CEP95: variants seen among roughly 807,000 people sequenced by gnomAD.
The protein encoded by CEP95 is centrosomal protein 95, also known as centrosomal protein of 95 kDa.
In CEP95, 98 loss-of-function variants were observed where a neutral mutation model predicts 111.2. That is an observed-to-expected ratio of 0.88 (90% confidence interval 0.75 to 1.04). CEP95 has a LOEUF of 1.04. CEP95 is among the 50% of genes least tolerant of loss of function. The pLI is 0.00. For missense variants in CEP95, 1,027 were observed against 977.2 expected, an observed-to-expected ratio of 1.05 and a Z score of -0.68; for synonymous variants, 323 against 327.1, an observed-to-expected ratio of 0.99 and a Z score of 0.14.
intron 11 of CEP95, among the ~76,000 whole-genome samples, 175 bp downstream of exon 11, chr17:64,527,439 T>C (rs771893704): frequency 8.4e-4 from 128 of 152,172 alleles, no homozygotes; most frequent in Non-Finnish European, 7.9e-4. Flanking sequence ...GTGTTAACAA[T>C]TATATTTGCT....
At chr17:64,534,902 C>T (rs192294206) in intron 17 of CEP95, 165 bp downstream of exon 17, 14 of 730,616 alleles carry the variant, frequency 1.9e-5, no homozygotes, top group Non-Finnish European at 3.2e-5. Flanking sequence ...CATTTTCTTA[C>T]TCCATTGTGC....
chr17:64,529,679 G>T lies in CEP95; in HGVS notation c.1446+252G>T, dbSNP rs532440715. Among the ~76,000 whole-genome samples, 11 of 152,352 alleles carry T rather than the reference G, an allele frequency of 7.2e-5. No homozygotes were observed. The South Asian group carries it at 2.3e-3, about 32-fold the overall frequency. ...CAGTAGATTAAGAAAGAGGAGATCAGTGTGAGTTGTTATTTTCAGAGTGAG... is the reference window on the plus strand; with the variant it reads ...CAGTAGATTAAGAAAGAGGAGATCATTGTGAGTTGTTATTTTCAGAGTGAG... On this transcript the variant is annotated intron_variant, in intron 12 of 19. Coordinates refer to ENST00000556440, the MANE Select transcript of CEP95 (RefSeq NM_138363.3).
chr17:64,529,553 T>C (rs1418455929), intron 12 of CEP95, 126 bp downstream of exon 12: 1 of 937,508 alleles, frequency 1.1e-6, no homozygotes, highest in Admixed American at 2.7e-5. Context: ...GCGGAGTGGA[T>C]GATAGAGAGC....
intron 2 of CEP95, among the ~76,000 whole-genome samples, 180 bp downstream of exon 2, chr17:64,508,900 A>G (rs2038740529): frequency 1.3e-5 from 2 of 151,124 alleles, no homozygotes; most frequent in Non-Finnish European, 2.9e-5. Flanking sequence ...TGTATATTAA[A>G]TTGTATTTAA....
intron 5 of CEP95, among the ~76,000 whole-genome samples, chr17:64,518,685 T>A (rs1427731318): frequency 9.0e-5 from 13 of 144,636 alleles, no homozygotes; most frequent in African/African-American, 3.1e-4. Flanking sequence ...TAAGATGAAA[T>A]TTTTTTTTTT....
intron 17 of CEP95, 45 bp downstream of exon 17, chr17:64,534,782 T>A: frequency 6.3e-7 from 1 of 1,586,804 alleles, no homozygotes; most frequent in Non-Finnish European, 8.6e-7. Context: ...AGGTGAACTT[T>A]GTTATCTTTC....
At chr17:64,518,873 G>T (rs966161194) in intron 5 of CEP95, among the ~76,000 whole-genome samples, 1 of 151,964 alleles carries the variant, frequency 6.6e-6, no homozygotes, top group African/African-American at 2.4e-5. Context: ...GTAGAGATGG[G>T]GTTTCACTAT....
rs1255807150 is a variant in CEP95 at position 64,536,598 on chromosome 17, A to C, written c.2071-4A>C. ...GACTATTTTTACGATTAAATAACTG[A>C]CAGATATTTAAGAAACTGTTTGAAG... On this transcript the variant is annotated splice_polypyrimidine_tract_variant and splice_region_variant and intron_variant, in intron 17 of 19. Transcript: ENST00000556440. 1 of 1,587,456 alleles carries C rather than the reference A, an allele frequency of 6.3e-7. No homozygotes were observed. Among genetic ancestry groups the C allele is most frequent in the Non-Finnish European group, 8.6e-7 (1 of 1,166,604 alleles).
At chr17:64,511,643 C>T (rs148080904) in intron 3 of CEP95, among the ~76,000 whole-genome samples, 17 of 152,208 alleles carry the variant, frequency 1.1e-4, no homozygotes, top group African/African-American at 3.1e-4. Context: ...GCAATTATCA[C>T]GTGGTCCTGA....
At chr17:64,519,236 T>C in intron 5 of CEP95, 85 bp from the exon 6 acceptor site, 3 of 810,428 alleles carry the variant, frequency 3.7e-6, no homozygotes, top group Non-Finnish European at 6.2e-6. Context: ...CTTTTCCTTT[T>C]TCTGCACCCA....
At chr17:64,506,964 T>C (rs1598162368), upstream of CEP95, 2 of 966,260 alleles carry the variant, frequency 2.1e-6, no homozygotes, top group Non-Finnish European at 1.6e-6. Flanking sequence ...CGTCCGTCCT[T>C]CTTTCACGCC....
At chr17:64,522,944 ATGTC>A in intron 8 of CEP95, 49 bp downstream of exon 8, 6 of 1,411,914 alleles carry the variant, frequency 4.2e-6, no homozygotes, top group Non-Finnish European at 5.9e-6. Context: ...ACTTGTATGT[ATGTC>A]TGTGTGTGTG....
rs1264983506 is a variant in CEP95, at chr17:64,512,202, AAAC to A, written c.256+1925_256+1927del. Among the ~76,000 whole-genome samples, 7 of 152,352 alleles carry A rather than the reference AAAC, an allele frequency of 4.6e-5. 1 individual carries two copies. In the South Asian group the frequency reaches 1.0e-3, roughly 23 times the overall value. ...CAGAGTAGTATGCTAGTGTTTGTAA[AAAC>A]AAAGGTGTGCAGAAGTATTTGCAGT... is the stretch of plus-strand genomic sequence containing the variant. On this transcript the variant is annotated intron_variant, in intron 3 of 19. Coordinates refer to ENST00000556440, the MANE Select transcript of CEP95 (RefSeq NM_138363.3).
chr17:64,517,796 A>G (rs1372352105), intron 5 of CEP95, among the ~76,000 whole-genome samples: 1 of 150,026 alleles, frequency 6.7e-6, no homozygotes, highest in Non-Finnish European at 1.5e-5. Context: ...AGCCTCCCAG[A>G]GTGCTGGGAT....
chr17:64,511,365 C>A (rs1262546772), intron 3 of CEP95, among the ~76,000 whole-genome samples: 1 of 152,178 alleles, frequency 6.6e-6, no homozygotes, highest in Non-Finnish European at 1.5e-5. Context: ...ATGGCCACGC[C>A]CGGGGGACCG....
At chr17:64,537,512 A>AGTT in intron 19 of CEP95, 91 bp from the exon 20 acceptor site, 1 of 1,452,442 alleles carries the variant, frequency 6.9e-7, no homozygotes, top group Non-Finnish European at 9.1e-7. Flanking sequence ...ATTTTGGAGG[A>AGTT]GTTTGATTAG....
chr17:64,535,040 C>G lies in CEP95; in HGVS notation c.2070+303C>G, dbSNP rs558885318. The stretch of plus-strand genomic sequence containing the variant: ...TAGAGGTTTGGGAACATGTGAGAGA[C>G]AAATTTAGTGTGATAACATGACCTT... On this transcript the variant is annotated intron_variant, in intron 17 of 19. Coordinates refer to ENST00000556440, the MANE Select transcript of CEP95 (RefSeq NM_138363.3). 1.4e-4 allele frequency: 52 copies of G among 371,080 alleles called. No homozygotes were observed. In the East Asian group the frequency reaches 3.0e-3, roughly 21 times the overall value. The allele number at this position is 371,080 out of a possible 1,614,324, so 23.0% of individuals were successfully genotyped here.
intron 11 of CEP95, among the ~76,000 whole-genome samples, chr17:64,528,763 G>A (rs775205817): frequency 1.1e-4 from 16 of 152,220 alleles, no homozygotes; most frequent in Non-Finnish European, 2.1e-4. Context: ...GGATAAAAAG[G>A]TTTGTAGAAG....
intron 18 of CEP95, 131 bp from the exon 19 acceptor site, chr17:64,536,910 A>G: frequency 8.5e-7 from 1 of 1,170,342 alleles, no homozygotes; most frequent in South Asian, 1.6e-5. Context: ...AGATCAAATA[A>G]TACCTGACCA....
Sources: gnomAD v4.1 joint callset for allele counts (sites outside exome capture counted in the v4.1 genomes callset) on GRCh38, gnomAD v4.1.1 for gene constraint, MANE v1.5 for transcripts, NCBI Gene and HGNC (gene_info 2026-07-23, HGNC 2026-07-21) for gene names.